Variants in CSAD observed in about 807,000 individuals in gnomAD.
CSAD encodes the protein cysteine sulfinic acid decarboxylase.
Under a neutral mutation model 61.5 loss-of-function variants are expected in CSAD, and 47 were observed. The ratio of observed to expected loss-of-function variants is 0.76; its 90% CI spans 0.60 to 0.97. CSAD has a LOEUF of 0.97. Ranked by LOEUF, CSAD falls within the 50% of genes least tolerant of loss-of-function variation. The pLI is 0.00. For synonymous variants in CSAD, 245 were observed against 252.7 expected, an observed-to-expected ratio of 0.97 and a Z score of 0.29; for missense variants, 611 against 643.6, an observed-to-expected ratio of 0.95 and a Z score of 0.55.
At chr12:53,163,579 C>T (rs1475531951) in intron 10 of CSAD, among the ~76,000 whole-genome samples, 1 of 151,810 alleles carries the variant, frequency 6.6e-6, no homozygotes, top group Non-Finnish European at 1.5e-5. Flanking sequence ...ACAAAAACAC[C>T]AAAAAAGAAT....
intron 2 of CSAD, among the ~76,000 whole-genome samples, chr12:53,174,724 G>A (rs943545175): frequency 5.3e-5 from 8 of 152,000 alleles, no homozygotes; most frequent in Non-Finnish European, 5.9e-5. Flanking sequence ...CCTGTGAGGC[G>A]GAGGTTGCAC....
chr12:53,159,623 C>T lies in CSAD; in HGVS notation c.1308G>A (p.Lys436=), dbSNP rs749771803. Residue 436 remains lysine, a splice_region_variant and synonymous_variant, in exon 16 of 17, where the codon AAG becomes AAA. Coordinates refer to ENST00000444623, the MANE Select transcript of CSAD (RefSeq NM_001244705.2). ...ESPDYHERLS[K]VAPVLKERMV... ...AAAGAGAGCAGCACAGCACGCCTACCTTTGACAGCCTTTCGTGGTAATCTG... is the reference window on the plus strand; with the variant it reads ...AAAGAGAGCAGCACAGCACGCCTACTTTTGACAGCCTTTCGTGGTAATCTG... 3 of 1,609,446 alleles carry T rather than the reference C, an allele frequency of 1.9e-6. No homozygotes were observed. Among genetic ancestry groups the T allele is most frequent in the African/African-American group, 1.3e-5 (1 of 75,024 alleles).
At chr12:53,160,386 TG>T (rs1939143699) in intron 13 of CSAD, 67 bp from the exon 14 acceptor site, 6 of 1,488,398 alleles carry the variant, frequency 4.0e-6, no homozygotes, top group Non-Finnish European at 5.6e-6. Context: ...AGGGCTGCAC[TG>T]TGGGGGTCTT....
chr12:53,159,662 C>T lies in CSAD; in HGVS notation c.1269G>A (p.Gly423=). The T allele has an allele frequency of 6.2e-7, 1 of 1,611,852 alleles. No individual in the cohort carries two copies. The highest frequency in any genetic ancestry group is 8.5e-7 in the Non-Finnish European group (1 of 1,179,070). The change falls in exon 16 of 17, where the codon GGG becomes GGA. Residue 423 remains glycine (G), a synonymous_variant. Transcript: ENST00000444623. Reference sequence around the variant, plus strand: ...CGTGGTAATCTGGACTCTCCTGCTTCCCTCGCAGGCTGGGGGGTACGAACC... The same window carrying T: ...CGTGGTAATCTGGACTCTCCTGCTTTCCTCGCAGGCTGGGGGGTACGAACC... ...CFWFVPPSLR[G]KQESPDYHER...
intron 10 of CSAD, chr12:53,164,355 A>AT (rs776494597): frequency 3.0e-4 from 68 of 223,048 alleles, no homozygotes; most frequent in South Asian, 8.1e-4. Context: ...AGTGGATTAG[A>AT]TTTTTTTTAA....
At chr12:53,180,022 A>G in intron 1 of CSAD, 1 of 1,433,812 alleles carries the variant, frequency 7.0e-7, no homozygotes, top group Non-Finnish European at 9.1e-7. Context: ...CCTGGAGTAA[A>G]GGGCGAAGGG....
intron 2 of CSAD, 50 bp from the exon 3 acceptor site, chr12:53,173,820 C>T: frequency 6.3e-7 from 1 of 1,587,604 alleles, no homozygotes; most frequent in Non-Finnish European, 8.6e-7. Context: ...GAAAAGTGTA[C>T]AATTAAGTGT....
At chr12:53,172,734 C>A in intron 4 of CSAD, 86 bp from the exon 5 acceptor site, 1 of 1,415,564 alleles carries the variant, frequency 7.1e-7, no homozygotes, top group Non-Finnish European at 9.4e-7. Flanking sequence ...GAGACACGGC[C>A]AACCTGCACT....
At position 53,180,758 on chromosome 12, in the gene CSAD, C is replaced by T; in HGVS notation, c.-117G>A. On this transcript the variant is annotated 5_prime_UTR_variant, in exon 1 of 17. Coordinates refer to ENST00000444623, the MANE Select transcript of CSAD (RefSeq NM_001244705.2). ...TCGGTCCCGGTGGGGGCAGCCGCGG[C>T]GGTGGGGTTGGCAGGGTGTGCTGGG... The T allele has an allele frequency of 7.9e-7, 1 of 1,266,608 alleles. No individual in the cohort carries two copies. The highest frequency in any genetic ancestry group is 2.4e-5 in the Admixed American group (1 of 41,136). 78.5% of individuals were successfully genotyped at this position (1,266,608 alleles called of 1,614,324 possible).
At chr12:53,167,470 C>T (rs1940072107) in intron 10 of CSAD, among the ~76,000 whole-genome samples, 1 of 152,224 alleles carries the variant, frequency 6.6e-6, no homozygotes, top group African/African-American at 2.4e-5. Flanking sequence ...GCACAATGTA[C>T]CTCACCTTCA....
intron 2 of CSAD, chr12:53,178,514 G>A (rs371525392): frequency 2.9e-5 from 9 of 315,408 alleles, no homozygotes; most frequent in South Asian, 1.2e-4. Context: ...AAATAGGGCC[G>A]GGTGTGGTGG....
intron 14 of CSAD, 62 bp downstream of exon 14, chr12:53,160,058 G>A: frequency 4.4e-6 from 7 of 1,604,692 alleles, no homozygotes; most frequent in Non-Finnish European, 6.0e-6. Context: ...GAGCAGGAAA[G>A]AGGGAGGGGC....
chr12:53,172,591 T>C lies in CSAD; in HGVS notation c.184A>G (p.Ser62Gly), dbSNP rs761956853. The C allele has an allele frequency of 1.2e-6, 2 of 1,612,072 alleles. No homozygotes were observed. Among genetic ancestry groups the C allele is most frequent in the Non-Finnish European group, 1.7e-6 (2 of 1,179,334 alleles). ...LKQLLDLELR[S>G]QGESQKQILE... ...ATCTGCTTCTGTGACTCGCCCTGGC[T>C]CCGCAGCTCCAAATCCAGCAGCTGC... The change falls in exon 5 of 17, where the codon AGC (serine) becomes GGC (glycine). Residue 62 changes from serine to glycine, a missense_variant. Transcript: ENST00000444623.
At chr12:53,174,681 C>T (rs2121516730) in intron 2 of CSAD, among the ~76,000 whole-genome samples, 2 of 152,184 alleles carry the variant, frequency 1.3e-5, no homozygotes, top group African/African-American at 4.8e-5. Context: ...GTAATCCCAG[C>T]TACTCAGGAG....
chr12:53,181,027 C>T (rs1466450139), upstream of CSAD: 4 of 866,726 alleles, frequency 4.6e-6, no homozygotes, highest in East Asian at 1.2e-4. Context: ...CCGCGCGTCC[C>T]GCCGCGTCCC....
rs1939114301 is a variant in CSAD at position 53,160,199 on chromosome 12, G to C, written c.1087C>G (p.Leu363Val). The C allele has an allele frequency of 6.2e-7, 1 of 1,614,174 alleles. No individual in the cohort carries two copies. Among genetic ancestry groups the C allele is most frequent in the Non-Finnish European group, 8.5e-7 (1 of 1,180,038 alleles). ...VVQCGRRVDC[L>V]KLWLMWKAQG... The stretch of plus-strand genomic sequence containing the variant: ...GCCTTCCACATGAGCCACAGCTTCA[G>C]ACAGTCCACACGGCGGCCACACTGC... The change falls in exon 14 of 17, where the codon CTG becomes GTG. Residue 363 changes from leucine (L) to valine (V), a missense_variant. Coordinates refer to ENST00000444623, the MANE Select transcript of CSAD (RefSeq NM_001244705.2).
At chr12:53,164,984 A>G (rs1348255822) in intron 10 of CSAD, among the ~76,000 whole-genome samples, 6 of 152,220 alleles carry the variant, frequency 3.9e-5, no homozygotes, top group South Asian at 2.1e-4. Context: ...CAAAACTACA[A>G]TGAGTTACCA....
chr12:53,161,495 A>G, intron 10 of CSAD, 106 bp from the exon 11 acceptor site: 1 of 823,042 alleles, frequency 1.2e-6, no homozygotes. Context: ...AAAATGGCCC[A>G]TTTCAACCTC....
chr12:53,172,056 C>A, intron 6 of CSAD, 68 bp from the exon 7 acceptor site: 1 of 1,092,984 alleles, frequency 9.1e-7, no homozygotes, highest in Admixed American at 2.0e-5. Context: ...CCTTAAACTG[C>A]ACAGGAGTCA....
Sources: gnomAD v4.1 joint callset for allele counts (sites outside exome capture counted in the v4.1 genomes callset) on GRCh38, gnomAD v4.1.1 for gene constraint, MANE v1.5 for transcripts, NCBI Gene and HGNC (gene_info 2026-07-23, HGNC 2026-07-21) for gene names.